Variants in WWC1 observed in about 807,000 individuals in gnomAD.
The protein encoded by WWC1 is WW and C2 domain containing 1, also known as protein KIBRA.
In WWC1, 55 loss-of-function variants were observed where a neutral mutation model predicts 138.4. The ratio of observed to expected loss-of-function variants is 0.40; its 90% CI spans 0.32 to 0.50. WWC1 has a LOEUF of 0.50. Among genes scored for constraint, WWC1 ranks in the 20% least tolerant of loss-of-function variants. The probability of loss-of-function intolerance (pLI) is 0.72; values close to 1 mark genes in which losing one functional copy is unlikely to be tolerated. For missense variants in WWC1, 1,226 were observed against 1,420.4 expected (o/e 0.86, Z 2.20); for synonymous variants, 524 against 564.9 (o/e 0.93, Z 1.03).
chr5:168,459,362 C>G (rs1427375444), intron 19 of WWC1, among the ~76,000 whole-genome samples: 1 of 152,072 alleles, frequency 6.6e-6, no homozygotes, highest in Non-Finnish European at 1.5e-5. Context: ...GCACACCCTT[C>G]CACCTGCACA....
intron 5 of WWC1, among the ~76,000 whole-genome samples, chr5:168,405,505 A>C (rs73392731): frequency 9.5e-4 from 144 of 152,262 alleles, no homozygotes; most frequent in African/African-American, 3.4e-3. Flanking sequence ...ATAAACTATA[A>C]ATTATCACAC....
chr5:168,372,644 T>C (rs896180102), intron 2 of WWC1, among the ~76,000 whole-genome samples: 2 of 152,206 alleles, frequency 1.3e-5, no homozygotes, highest in Non-Finnish European at 2.9e-5. Context: ...TTAGAGTCAA[T>C]TGACTACTTA....
Position 168,422,054 on chromosome 5 carries a change from G to A in WWC1, c.1231G>A (p.Glu411Lys), listed in dbSNP as rs1296706608. Reference sequence around the variant, plus strand: ...GAACCAGCTTGTGAGAGAACTGGAGGAAGCCACCCGGCAGGTGGCAACTCT... The same window carrying A: ...GAACCAGCTTGTGAGAGAACTGGAGAAAGCCACCCGGCAGGTGGCAACTCT... The part of the protein sequence containing the change: ...KRNQLVRELE[E>K]ATRQVATLHS... Residue 411 changes from glutamate (E) to lysine (K), a missense_variant, in exon 10 of 23, where the codon GAA becomes AAA. Physicochemically the swap from Glu to Lys is moderately conservative, Grantham distance 56 (BLOSUM62 1). Around this residue, in one of 3 missense-constraint regions of WWC1, gnomAD observed 1,016 missense variants for 1,153.9 expected, o/e 0.88. Transcript: ENST00000265293. The A allele has an allele frequency of 3.1e-6, 5 of 1,612,832 alleles. No homozygotes were observed. The highest frequency in any genetic ancestry group is 2.5e-6 in the Non-Finnish European group (3 of 1,179,286).
chr5:168,323,873 A>T (rs1203150063), intron 1 of WWC1, among the ~76,000 whole-genome samples: 2 of 152,202 alleles, frequency 1.3e-5, no homozygotes. Context: ...TCTTAAAATC[A>T]TCAGGGAATA....
intron 4 of WWC1, among the ~76,000 whole-genome samples, chr5:168,398,569 G>A (rs1001041214): frequency 2.6e-5 from 4 of 152,130 alleles, no homozygotes; most frequent in African/African-American, 9.7e-5. Flanking sequence ...GATTACCTTA[G>A]GGCATAAATA....
intron 3 of WWC1, among the ~76,000 whole-genome samples, chr5:168,387,841 T>G (rs912238092): frequency 5.3e-5 from 8 of 152,228 alleles, no homozygotes; most frequent in South Asian, 2.1e-4. Flanking sequence ...CCATTTTTGT[T>G]AAGACGGTCC....
intron 19 of WWC1, among the ~76,000 whole-genome samples, chr5:168,460,369 T>C (rs1416931318): frequency 6.6e-6 from 1 of 152,214 alleles, no homozygotes; most frequent in Non-Finnish European, 1.5e-5. Flanking sequence ...ATGGATTTGC[T>C]CCTATCACAT....
At chr5:168,308,069 C>T (rs1460340034) in intron 1 of WWC1, among the ~76,000 whole-genome samples, 1 of 152,142 alleles carries the variant, frequency 6.6e-6, no homozygotes, top group Non-Finnish European at 1.5e-5. Flanking sequence ...AATAGAACAT[C>T]CTTCAGAAAG....
At chr5:168,374,230 G>A (rs1776996924) in intron 2 of WWC1, among the ~76,000 whole-genome samples, 1 of 152,078 alleles carries the variant, frequency 6.6e-6, no homozygotes, top group South Asian at 2.1e-4. Context: ...ATTTCATTTT[G>A]GCAGGAGAGA....
intron 17 of WWC1, among the ~76,000 whole-genome samples, chr5:168,452,624 A>G (rs1405693562): frequency 6.6e-6 from 1 of 152,154 alleles, no homozygotes; most frequent in African/African-American, 2.4e-5. Context: ...TAGTTTTGCA[A>G]CCCTAGCAAT....
At chr5:168,439,637 A>G (rs938245024) in intron 15 of WWC1, among the ~76,000 whole-genome samples, 4 of 152,144 alleles carry the variant, frequency 2.6e-5, no homozygotes, top group Non-Finnish European at 5.9e-5. Context: ...TCTCAAAAAA[A>G]AAAAAAAAAA....
At chr5:168,371,918 CT>C (rs1173427724) in intron 2 of WWC1, among the ~76,000 whole-genome samples, 1 of 152,016 alleles carries the variant, frequency 6.6e-6, no homozygotes, top group African/African-American at 2.4e-5. Context: ...TTTCTTCCCC[CT>C]AAAAGAAAGA....
intron 1 of WWC1, among the ~76,000 whole-genome samples, chr5:168,354,657 A>C (rs928988262): frequency 1.6e-4 from 25 of 152,286 alleles, no homozygotes; most frequent in African/African-American, 5.8e-4. Context: ...CAGTCTAGAC[A>C]TCTGTGTATT....
At chr5:168,360,307 G>A (rs570613350) in intron 1 of WWC1, among the ~76,000 whole-genome samples, 1 of 152,114 alleles carries the variant, frequency 6.6e-6, no homozygotes, top group Non-Finnish European at 1.5e-5. Context: ...TCTATGTAAG[G>A]GACATTGGAT....
intron 3 of WWC1, 40 bp downstream of exon 3, chr5:168,385,454 C>A: frequency 6.3e-7 from 1 of 1,594,006 alleles, no homozygotes; most frequent in Non-Finnish European, 8.6e-7. Flanking sequence ...CCGACACCAA[C>A]AGAGAATGGC....
At chr5:168,409,032 A>G (rs1457484358) in intron 7 of WWC1, among the ~76,000 whole-genome samples, 1 of 151,964 alleles carries the variant, frequency 6.6e-6, no homozygotes, top group Admixed American at 6.6e-5. Flanking sequence ...ACAGCAGAGG[A>G]TATTTTCCTC....
chr5:168,385,311 A>G lies in WWC1; in HGVS notation c.330A>G (p.Gln110=), dbSNP rs1263007261. 4 of 1,613,820 alleles carry G rather than the reference A, an allele frequency of 2.5e-6. No individual in the cohort carries two copies. The highest frequency in any genetic ancestry group is 3.4e-6 in the Non-Finnish European group (4 of 1,179,964). The change falls in exon 3 of 23, where the codon CAA becomes CAG. Residue 110 remains glutamine (Q), a synonymous_variant. Transcript: ENST00000265293. ...LVVAQEALSA[Q]KEIYQVKQQR... ...TGGCCCAGGAGGCTCTGAGTGCACA[A>G]AAGGAGATCTACCAGGTGAAGCAGC...
chr5:168,426,230 C>G (rs1432423518), intron 11 of WWC1, among the ~76,000 whole-genome samples: 1 of 152,182 alleles, frequency 6.6e-6, no homozygotes, highest in Non-Finnish European at 1.5e-5. Context: ...AAAATAAAAG[C>G]AAGCGCCCTA....
chr5:168,391,783 A>G (rs1476009641), intron 3 of WWC1, among the ~76,000 whole-genome samples: 1 of 144,924 alleles, frequency 6.9e-6, no homozygotes, highest in Non-Finnish European at 1.5e-5. Flanking sequence ...ATATATATAT[A>G]TATATATATA....
Sources: allele counts gnomAD v4.1 joint callset (sites outside exome capture counted in the v4.1 genomes callset), GRCh38; gene constraint gnomAD v4.1.1; regional missense constraint gnomAD v4.1.1; transcripts MANE v1.5; gene names NCBI Gene and HGNC (gene_info 2026-07-23, HGNC 2026-07-21).